Variants in ZNF77 observed in about 807,000 individuals in gnomAD.
The protein encoded by ZNF77 is ZNFpT1.
A neutral mutation model predicts 13.5 loss-of-function variants in ZNF77; 15 were observed. The ratio of observed to expected loss-of-function variants is 1.11; its 90% CI spans 0.74 to 1.71. The LOEUF (loss-of-function observed/expected upper bound fraction) is 1.71. Ranked by LOEUF, ZNF77 falls within the 40% of genes most tolerant of loss-of-function variation. The probability of loss-of-function intolerance (pLI) is 0.00; values close to 1 mark genes in which losing one functional copy is unlikely to be tolerated. For synonymous variants in ZNF77, 282 were observed against 250.0 expected (o/e 1.13, Z -1.21); for missense variants, 717 against 676.4 (o/e 1.06, Z -0.67).
chr19:2,936,006 G>C (rs977576749), intron 3 of ZNF77, among the ~76,000 whole-genome samples: 1 of 150,624 alleles, frequency 6.6e-6, no homozygotes, highest in South Asian at 2.1e-4. Flanking sequence ...GACAGAGTGA[G>C]ACCCCCATCT....
chr19:2,934,963 G>A (rs2088383034), intron 3 of ZNF77, 148 bp from the exon 4 acceptor site: 1 of 1,061,804 alleles, frequency 9.4e-7, no homozygotes, highest in African/African-American at 1.6e-5. Flanking sequence ...TTTCTATGGA[G>A]AACAAGCTTA....
chr19:2,935,202 T>C (rs2088385156), intron 3 of ZNF77, among the ~76,000 whole-genome samples: 1 of 150,520 alleles, frequency 6.6e-6, no homozygotes, highest in South Asian at 2.1e-4. Flanking sequence ...TGTATTTTAG[T>C]AGAGATGAGG....
At chr19:2,943,241 T>C (rs533500831) in intron 1 of ZNF77, among the ~76,000 whole-genome samples, 1 of 139,146 alleles carries the variant, frequency 7.2e-6, no homozygotes, top group South Asian at 2.2e-4. Context: ...ACCTCAAGCC[T>C]CTGGCATTAC....
Position 2,944,185 on chromosome 19 carries a change from T to C in ZNF77, c.3+653A>G, listed in dbSNP as rs185599683. On this transcript the variant is annotated intron_variant, in intron 1 of 3. Coordinates refer to ENST00000314531, the MANE Select transcript of ZNF77 (RefSeq NM_021217.3). ...CCCTCGAGCCCGACTCCCTTTACTG[T>C]CCCCCCAAACTTCCCTCAAGCCCCT... Among the ~76,000 whole-genome samples, 431 of 128,838 alleles carry C rather than the reference T, an allele frequency of 3.3e-3. 5 individuals carry two copies. Among genetic ancestry groups the C allele is most frequent in the African/African-American group, 0.012 (406 of 34,288 alleles). The allele number at this position is 128,838 out of a possible 152,430, so 84.5% of individuals were successfully genotyped here. A position where few individuals can be genotyped will look rare whatever the true frequency, so the allele number is the denominator to read the frequency against.
chr19:2,935,568 T>C (rs929614119), intron 3 of ZNF77, among the ~76,000 whole-genome samples: 4 of 149,652 alleles, frequency 2.7e-5, no homozygotes, highest in Non-Finnish European at 4.5e-5. Context: ...CGACCTCAGG[T>C]GATCCACCTG....
chr19:2,937,024 CAAT>C (rs1294683503), intron 2 of ZNF77, among the ~76,000 whole-genome samples: 1 of 151,884 alleles, frequency 6.6e-6, no homozygotes, highest in Admixed American at 6.6e-5. Flanking sequence ...CTCTAAACAA[CAAT>C]AAAAAATTTA....
chr19:2,940,630 G>A (rs566305124), intron 1 of ZNF77, among the ~76,000 whole-genome samples: 27 of 148,196 alleles, frequency 1.8e-4, no homozygotes, highest in Non-Finnish European at 2.8e-4. Flanking sequence ...CCGAGATGGC[G>A]CCATTGCACT....
chr19:2,934,017 G>A lies in ZNF77; in HGVS notation c.1110C>T (p.His370=), dbSNP rs370544700. ...AFRYPSSLRA[H]MRMHTGEKPY... ...GCTTCTCTCCGGTGTGCATTCTCAT[G>A]TGTGCTCGCAGAGAGGAGGGGTACC... Residue 370 remains histidine, a synonymous_variant, in exon 4 of 4, where the codon CAC becomes CAT. Coordinates refer to ENST00000314531, the MANE Select transcript of ZNF77 (RefSeq NM_021217.3). The A allele has an allele frequency of 5.6e-6, 9 of 1,613,976 alleles. No homozygotes were observed. The African/African-American group carries it at 1.2e-4, about 22-fold the overall frequency.
In ZNF77 at chr19:2,933,549, C is replaced by T. The variant is rs745980120; in HGVS notation, c.1578G>A (p.Gly526=). 4.4e-6 allele frequency: 7 copies of T among 1,609,152 alleles called. No individual in the cohort carries two copies. Among genetic ancestry groups the T allele is most frequent in the Non-Finnish European group, 5.9e-6 (7 of 1,176,582 alleles). ...GCGATGCGAGATACCTGAAGGTTTTCCCACACTGCTTGCATTCATACGGTC... is the reference window on the plus strand; with the variant it reads ...GCGATGCGAGATACCTGAAGGTTTTTCCACACTGCTTGCATTCATACGGTC... ...GERPYECKQC[G]KTFRYLASLQ... Residue 526 remains glycine (G), a synonymous_variant, in exon 4 of 4, where the codon GGG becomes GGA. Transcript: ENST00000314531.
chr19:2,939,644 C>G, intron 1 of ZNF77: 1 of 513,666 alleles, frequency 1.9e-6, no homozygotes, highest in Admixed American at 3.4e-5. Context: ...TGAGAAACGG[C>G]AGGTATGAGG....
At chr19:2,943,227 T>C (rs906281300) in intron 1 of ZNF77, among the ~76,000 whole-genome samples, 8 of 141,144 alleles carry the variant, frequency 5.7e-5, no homozygotes, top group African/African-American at 1.9e-4. Flanking sequence ...CCCACTGCAA[T>C]AGAACCTCAA....
rs1255091036 is a variant in ZNF77 at position 2,936,657 on chromosome 19, C to T, written c.178G>A (p.Val60Ile). The change falls in exon 3 of 4, where the codon GTT becomes ATT. Residue 60 changes from valine to isoleucine, a missense_variant. Transcript: ENST00000314531. ...TCATTGGATATTCCATTCCCAAAAACGTCCCTCTGAGAACTTGATCCACTG... is the reference window on the plus strand; with the variant it reads ...TCATTGGATATTCCATTCCCAAAAATGTCCCTCTGAGAACTTGATCCACTG... ...RTSGSSSQRD[V>I]FGNGISNDEE... 3.1e-6 allele frequency: 5 copies of T among 1,609,616 alleles called. No individual in the cohort carries two copies. Among genetic ancestry groups the T allele is most frequent in the Middle Eastern group, 1.7e-4 (1 of 6,058 alleles).
chr19:2,944,913 G>A lies in ZNF77; in HGVS notation c.-73C>T, dbSNP rs932018986. On this transcript the variant is annotated 5_prime_UTR_variant, in exon 1 of 4. Transcript: ENST00000314531. Reference sequence around the variant, plus strand: ...CGACCGGCGCAGGTGAGCACGACAGGACACCTGAGCCGCTCGGGGTAGGCG... The same window carrying A: ...CGACCGGCGCAGGTGAGCACGACAGAACACCTGAGCCGCTCGGGGTAGGCG... 31 of 1,494,978 alleles carry A rather than the reference G, an allele frequency of 2.1e-5. No homozygotes were observed. Among genetic ancestry groups the A allele is most frequent in the African/African-American group, 2.9e-5 (2 of 69,894 alleles). 92.6% of individuals were successfully genotyped at this position (1,494,978 alleles called of 1,614,324 possible).
At chr19:2,944,811 C>G in intron 1 of ZNF77, 27 bp downstream of exon 1, 7 of 1,513,536 alleles carry the variant, frequency 4.6e-6, no homozygotes, top group Non-Finnish European at 6.2e-6. Flanking sequence ...GCCCTGGGCC[C>G]GGGCTCGGCT....
chr19:2,939,567 G>T, intron 1 of ZNF77, 160 bp from the exon 2 acceptor site: 1 of 942,854 alleles, frequency 1.1e-6, no homozygotes, highest in Non-Finnish European at 1.6e-6. Context: ...ACTCAATGCC[G>T]TGAGTACCTT....
In ZNF77 at chr19:2,934,441, C is replaced by A. The variant is rs199713360; in HGVS notation, c.686G>T (p.Gly229Val). The A allele has an allele frequency of 4.7e-5, 76 of 1,614,050 alleles. No homozygotes were observed. Among genetic ancestry groups the A allele is most frequent in the Non-Finnish European group, 4.7e-5 (56 of 1,180,036 alleles). Reference sequence around the variant, plus strand: ...CTGCCCATGATGACTATTCACATGTCCCCTGAAAGATGAGGGACAAATGAA... The same window carrying A: ...CTGCCCATGATGACTATTCACATGTACCCTGAAAGATGAGGGACAAATGAA... Reference protein sequence around the residue: ...KAFICPSSFRGHVNSHHGQKT... With the variant: ...KAFICPSSFRVHVNSHHGQKT... Residue 229 changes from glycine (G) to valine (V), a missense_variant, in exon 4 of 4, where the codon GGA becomes GTA. Coordinates refer to ENST00000314531, the MANE Select transcript of ZNF77 (RefSeq NM_021217.3).
In ZNF77 at chr19:2,934,420, C is replaced by T; in HGVS notation, c.707G>A (p.Gly236Glu). The change falls in exon 4 of 4, where the codon GGG becomes GAG. Residue 236 changes from glycine (G) to glutamate (E), a missense_variant. Transcript: ENST00000314531. The stretch of plus-strand genomic sequence containing the variant: ...TACTTTACATGCATGGGTTTTCTGC[C>T]CATGATGACTATTCACATGTCCCCT... ...SFRGHVNSHHGQKTHACKVCG... is the reference protein window; with the variant it reads ...SFRGHVNSHHEQKTHACKVCG... 1 of 1,614,154 alleles carries T rather than the reference C, an allele frequency of 6.2e-7. No homozygotes were observed. Among genetic ancestry groups the T allele is most frequent in the Admixed American group, 1.7e-5 (1 of 60,006 alleles).
Position 2,934,796 on chromosome 19 carries a change from A to T in ZNF77, c.331T>A (p.Cys111Ser). The T allele has an allele frequency of 6.2e-7, 1 of 1,610,242 alleles. No individual in the cohort carries two copies. Among genetic ancestry groups the T allele is most frequent in the Non-Finnish European group, 8.5e-7 (1 of 1,176,772 alleles). Residue 111 changes from cysteine (C) to serine (S), a missense_variant, in exon 4 of 4, where the codon TGT becomes AGT. Cys to Ser is a moderately radical substitution (Grantham distance 112). Coordinates refer to ENST00000314531, the MANE Select transcript of ZNF77 (RefSeq NM_021217.3). ...CATTGATGACCTTCATTACTTTCAC[A>T]GAGTCTCCCCAGCTGACTTCTGTTC... Reference protein sequence around the residue: ...RHLRSQLGRLCESNEGHQCGE... With the variant: ...RHLRSQLGRLSESNEGHQCGE...
rs1462417604 is a variant in ZNF77 at position 2,934,224 on chromosome 19, A to G, written c.903T>C (p.Cys301=). 2 of 1,613,974 alleles carry G rather than the reference A, an allele frequency of 1.2e-6. No individual in the cohort carries two copies. Among genetic ancestry groups the G allele is most frequent in the Admixed American group, 1.7e-5 (1 of 59,982 alleles). ...AGGAGTAACAGCTGAATGATTTTCC[A>G]CAATGCTTACATTCATACGGTTTCT... The part of the protein sequence containing the change: ...TGEKPYECKH[C]GKSFSCYSSF... Residue 301 remains cysteine (C), a synonymous_variant, in exon 4 of 4, where the codon TGT becomes TGC. Transcript: ENST00000314531.
Sources: allele counts gnomAD v4.1 joint callset (sites outside exome capture counted in the v4.1 genomes callset), GRCh38; gene constraint gnomAD v4.1.1; transcripts MANE v1.5; gene names NCBI Gene and HGNC (gene_info 2026-07-23, HGNC 2026-07-21).